The following DOCK4 variants were observed in gnomAD, a reference collection of about 807,000 sequenced individuals.
The protein encoded by DOCK4 is dedicator of cytokinesis protein 4.
DOCK4 carries 97 observed loss-of-function variants against 268.1 expected under a neutral mutation model. The observed-to-expected ratio is 0.36, with a 90% CI of 0.31 to 0.43. The LOEUF (loss-of-function observed/expected upper bound fraction) is 0.43. Ranked by LOEUF, DOCK4 falls within the 20% of genes least tolerant of loss-of-function variation. DOCK4 has a pLI of 1.00. For missense variants in DOCK4, 2,145 were observed against 2,455.7 expected, an observed-to-expected ratio of 0.87 and a Z score of 2.67; for synonymous variants, 954 against 887.2, an observed-to-expected ratio of 1.08 and a Z score of -1.34.
At chr7:112,152,867 A>G (rs1292616438) in intron 1 of DOCK4, among the ~76,000 whole-genome samples, 1 of 152,234 alleles carries the variant, frequency 6.6e-6, no homozygotes, top group Non-Finnish European at 1.5e-5. Context: ...AAATGTGAAA[A>G]AAAACCGAAC....
chr7:112,152,549 AG>A lies in DOCK4; in HGVS notation c.37+53552del, dbSNP rs1213747017. Among the ~76,000 whole-genome samples, 5 of 152,340 alleles carry A rather than the reference AG, an allele frequency of 3.3e-5. No homozygotes were observed. The East Asian group carries it at 9.6e-4, about 29-fold the overall frequency. Reference sequence around the variant, plus strand: ...TTGATTCAACTGAAAATGAACAAAAAGGGTATATGCAGTAAAAATGTCCCTG... The same window carrying A: ...TTGATTCAACTGAAAATGAACAAAAAGGTATATGCAGTAAAAATGTCCCTG... On this transcript the variant is annotated intron_variant, in intron 1 of 52. Transcript: ENST00000428084.
intron 1 of DOCK4, among the ~76,000 whole-genome samples, chr7:112,010,749 T>A (rs1801223280): frequency 6.6e-6 from 1 of 152,228 alleles, no homozygotes; most frequent in African/African-American, 2.4e-5. Flanking sequence ...TTGAGACATG[T>A]CACGCAACTC....
chr7:111,794,359 A>T (rs901486144), intron 30 of DOCK4, among the ~76,000 whole-genome samples: 2 of 152,152 alleles, frequency 1.3e-5, no homozygotes, highest in Non-Finnish European at 2.9e-5. Context: ...TGGGCTGGAG[A>T]TGTACTATTT....
intron 16 of DOCK4, among the ~76,000 whole-genome samples, chr7:111,894,430 C>A (rs867181182): frequency 6.6e-6 from 1 of 152,180 alleles, no homozygotes; most frequent in Non-Finnish European, 1.5e-5. Flanking sequence ...GAGGGATCAA[C>A]AGATAGTTCT....
At chr7:111,734,880 C>A (rs1413629331) in intron 51 of DOCK4, among the ~76,000 whole-genome samples, 174 bp downstream of exon 51, 1 of 152,082 alleles carries the variant, frequency 6.6e-6, no homozygotes, top group Non-Finnish European at 1.5e-5. Context: ...TGTTTGACCC[C>A]GTGTAATAGA....
chr7:112,019,229 G>A (rs181419758), intron 1 of DOCK4, among the ~76,000 whole-genome samples: 1 of 152,262 alleles, frequency 6.6e-6, no homozygotes, highest in Admixed American at 6.5e-5. Context: ...CCTTAGGTGT[G>A]CAAGAATTTA....
intron 1 of DOCK4, among the ~76,000 whole-genome samples, chr7:112,148,504 C>T (rs1451712966): frequency 1.3e-5 from 2 of 148,796 alleles, no homozygotes; most frequent in East Asian, 2.2e-4. Context: ...TTTTGTGCTT[C>T]TCCATTAATA....
rs996809608 is a variant in DOCK4 at position 111,870,024 on chromosome 7, C to T, written c.2028-369G>A. Among the ~76,000 whole-genome samples the T allele has an allele frequency of 3.9e-5, 6 of 152,146 alleles. No homozygotes were observed. The East Asian group carries it at 5.8e-4, about 15-fold the overall frequency. ...ATTGGGATTTCTTTCCCAGTGACCA[C>T]GTAAACAGCTGGATGCAATATCATT... On this transcript the variant is annotated intron_variant, in intron 20 of 52. Transcript: ENST00000428084.
chr7:111,867,726 G>A (rs1399939152), intron 22 of DOCK4, among the ~76,000 whole-genome samples: 2 of 152,146 alleles, frequency 1.3e-5, no homozygotes, highest in African/African-American at 2.4e-5. Context: ...TATGTGTTCT[G>A]GTAACCGGAA....
chr7:111,823,514 T>C (rs1454433297), intron 26 of DOCK4, among the ~76,000 whole-genome samples: 5 of 152,074 alleles, frequency 3.3e-5, no homozygotes, highest in Admixed American at 6.6e-5. Context: ...GGCCGGTATA[T>C]TGCTTCCTTC....
At chr7:112,014,855 T>C (rs781125996) in intron 1 of DOCK4, among the ~76,000 whole-genome samples, 33 of 152,182 alleles carry the variant, frequency 2.2e-4, no homozygotes, top group Middle Eastern at 3.4e-3. Context: ...CAGTGAGCTA[T>C]GATCACACCA....
intron 8 of DOCK4, among the ~76,000 whole-genome samples, chr7:111,947,730 T>A (rs775124263): frequency 5.1e-4 from 78 of 152,238 alleles, no homozygotes; most frequent in Middle Eastern, 6.8e-3. Flanking sequence ...TCATTTTAAT[T>A]TTTTTTGGGT....
chr7:111,769,992 C>T (rs1283925979), intron 36 of DOCK4, among the ~76,000 whole-genome samples: 1 of 151,876 alleles, frequency 6.6e-6, no homozygotes, highest in Non-Finnish European at 1.5e-5. Context: ...GGATATCATG[C>T]TGTTGCTGGT....
chr7:111,896,483 C>T (rs1353172027), intron 15 of DOCK4, among the ~76,000 whole-genome samples: 1 of 146,754 alleles, frequency 6.8e-6, no homozygotes, highest in Non-Finnish European at 1.5e-5. Flanking sequence ...TTCTTTCCAC[C>T]AAGGTTTTTT....
chr7:111,866,154 C>A (rs1430129883), intron 22 of DOCK4, among the ~76,000 whole-genome samples: 1 of 152,310 alleles, frequency 6.6e-6, no homozygotes, highest in South Asian at 2.1e-4. Flanking sequence ...AAAACTAACA[C>A]ATCGGATCCA....
Position 111,846,726 on chromosome 7 carries a change from C to A in DOCK4, c.2601+273G>T, listed in dbSNP as rs538524458. Among the ~76,000 whole-genome samples the A allele has an allele frequency of 1.0e-3, 158 of 152,306 alleles. 1 individual carries two copies. Among genetic ancestry groups the A allele is most frequent in the Middle Eastern group, 3.4e-3 (1 of 294 alleles). On this transcript the variant is annotated intron_variant, in intron 24 of 52. Coordinates refer to ENST00000428084, the MANE Select transcript of DOCK4 (RefSeq NM_001363540.2). Reference sequence around the variant, plus strand: ...AGTCATCATATCAAGATTAAAGACACACGTGGGAGGCTTTGAGATTTCTCA... The same window carrying A: ...AGTCATCATATCAAGATTAAAGACAAACGTGGGAGGCTTTGAGATTTCTCA...
chr7:111,998,625 C>T lies in DOCK4; in HGVS notation c.163-122G>A. 4 of 550,458 alleles carry T rather than the reference C, an allele frequency of 7.3e-6. No individual in the cohort carries two copies. In the South Asian group the frequency reaches 1.3e-4, roughly 18 times the overall value. The allele number at this position is 550,458 out of a possible 1,614,324, so 34.1% of individuals were successfully genotyped here. A position where few individuals can be genotyped will look rare whatever the true frequency, so the allele number is the denominator to read the frequency against. On this transcript the variant is annotated intron_variant, in intron 3 of 52. Coordinates refer to ENST00000428084, the MANE Select transcript of DOCK4 (RefSeq NM_001363540.2). Reference sequence around the variant, plus strand: ...CATCAGGAATAGGGAAAAGCAACATCTCTACCACATTCTCTTGGATGAAAT... The same window carrying T: ...CATCAGGAATAGGGAAAAGCAACATTTCTACCACATTCTCTTGGATGAAAT...
At chr7:112,058,023 A>AT (rs1563042065) in intron 1 of DOCK4, among the ~76,000 whole-genome samples, 2 of 134,496 alleles carry the variant, frequency 1.5e-5, no homozygotes, top group Non-Finnish European at 1.5e-5. Flanking sequence ...GTACAGGTTC[A>AT]ATTTTTTTTT....
In DOCK4 at chr7:111,863,292, T is replaced by C. The variant is rs1805703027; in HGVS notation, c.2473+80A>G. 4 of 1,496,146 alleles carry C rather than the reference T, an allele frequency of 2.7e-6. No homozygotes were observed. In the African/African-American group the frequency reaches 5.5e-5, roughly 21 times the overall value. The allele number at this position is 1,496,146 out of a possible 1,614,324, so 92.7% of individuals were successfully genotyped here. On this transcript the variant is annotated intron_variant, in intron 23 of 52. Transcript: ENST00000428084. ...ATGCCTTTTAGTGTTTTGTTTTTAATTGCATCTGCTGACCAATGGCTACAA... is the reference window on the plus strand; with the variant it reads ...ATGCCTTTTAGTGTTTTGTTTTTAACTGCATCTGCTGACCAATGGCTACAA...
Sources: gnomAD v4.1 joint callset for allele counts (sites outside exome capture counted in the v4.1 genomes callset) on GRCh38, gnomAD v4.1.1 for gene constraint, MANE v1.5 for transcripts, NCBI Gene and HGNC (gene_info 2026-07-23, HGNC 2026-07-21) for gene names.